The following FSTL4 variants were observed in gnomAD, a reference collection of about 807,000 sequenced individuals.
The protein encoded by FSTL4 is follistatin-related protein 4.
In FSTL4, 28 loss-of-function variants were observed where a neutral mutation model predicts 78.2. The observed-to-expected ratio is 0.36, with a 90% CI of 0.27 to 0.49. The LOEUF is 0.49. Ranked by LOEUF, FSTL4 falls within the 20% of genes least tolerant of loss-of-function variation. FSTL4 has a pLI of 0.98. For synonymous variants in FSTL4, 422 were observed against 440.5 expected (o/e 0.96, Z 0.53); for missense variants, 922 against 1,084.9 (o/e 0.85, Z 2.11).
the FSTL4 span, among the ~76,000 whole-genome samples, chr5:133,766,336 C>T: frequency 6.6e-6 from 1 of 152,142 alleles, no homozygotes; most frequent in African/African-American, 2.4e-5. Context: ...AAATACGTAA[C>T]AGAGACCATA....
chr5:133,840,715 A>G, the FSTL4 span, among the ~76,000 whole-genome samples: 2 of 152,252 alleles, frequency 1.3e-5, no homozygotes, highest in African/African-American at 4.8e-5. Context: ...AAGTCTACAC[A>G]GGATTTGAGA....
At chr5:133,648,434 T>C in the FSTL4 span, among the ~76,000 whole-genome samples, 1 of 152,150 alleles carries the variant, frequency 6.6e-6, no homozygotes, top group Non-Finnish European at 1.5e-5. Flanking sequence ...GCCCAACCTT[T>C]CCAGGGCTGG....
At chr5:133,478,288 T>C (rs1757961042) in intron 3 of FSTL4, among the ~76,000 whole-genome samples, 1 of 152,226 alleles carries the variant, frequency 6.6e-6, no homozygotes, top group African/African-American at 2.4e-5. Flanking sequence ...CTTCACGATT[T>C]ATGGTGTGGC....
chr5:133,293,089 C>T (rs997494291), intron 6 of FSTL4, among the ~76,000 whole-genome samples: 7 of 152,250 alleles, frequency 4.6e-5, no homozygotes, highest in Non-Finnish European at 7.3e-5. Flanking sequence ...AGCCACCTCC[C>T]GCCACTCCAT....
intron 11 of FSTL4, among the ~76,000 whole-genome samples, chr5:133,223,061 C>T (rs986893796): frequency 6.6e-6 from 1 of 152,218 alleles, no homozygotes; most frequent in Admixed American, 6.5e-5. Flanking sequence ...CTCTTGCATT[C>T]GTGGTAGGTC....
chr5:133,225,371 G>GCC lies in FSTL4; in HGVS notation c.1178-89_1178-88dup. On this transcript the variant is annotated intron_variant, in intron 9 of 15. Transcript: ENST00000265342. The surrounding 1 kb of genome is among the most constrained non-coding windows in gnomAD (Gnocchi z 4.6). ...TGGGGCCATTGAGAGTGTTAGGGCT[G>GCC]CCCAGCCCCTGGGCAGCCAGCAGCC... 1 of 1,526,444 alleles carries GCC rather than the reference G, an allele frequency of 6.6e-7. No individual in the cohort carries two copies. Among genetic ancestry groups the GCC allele is most frequent in the Non-Finnish European group, 9.0e-7 (1 of 1,111,090 alleles). The allele number at this position is 1,526,444 out of a possible 1,614,324, so 94.6% of individuals were successfully genotyped here.
intron 4 of FSTL4, among the ~76,000 whole-genome samples, chr5:133,390,883 G>T (rs1229618123): frequency 6.7e-6 from 1 of 149,528 alleles, no homozygotes; most frequent in Non-Finnish European, 1.5e-5. Flanking sequence ...AGGCAGAGAG[G>T]CTGAGTGATC....
intron 4 of FSTL4, among the ~76,000 whole-genome samples, chr5:133,393,925 C>G (rs920583659): frequency 6.6e-6 from 1 of 152,250 alleles, no homozygotes; most frequent in Middle Eastern, 3.2e-3. Context: ...GCCCATGGCT[C>G]CTGAGCCTTC....
chr5:133,598,748 C>T (rs1229443683), intron 2 of FSTL4, among the ~76,000 whole-genome samples: 2 of 152,108 alleles, frequency 1.3e-5, no homozygotes, highest in Non-Finnish European at 1.5e-5. Flanking sequence ...AGACCATTCT[C>T]GCCTCTTGCT....
the FSTL4 span, among the ~76,000 whole-genome samples, chr5:133,618,965 T>C: frequency 1.3e-5 from 2 of 152,360 alleles, no homozygotes; most frequent in South Asian, 2.1e-4. Flanking sequence ...TAAGAAATTA[T>C]GGTAGACATT....
chr5:133,315,550 A>G (rs918547456), intron 5 of FSTL4, among the ~76,000 whole-genome samples: 1 of 152,176 alleles, frequency 6.6e-6, no homozygotes, highest in African/African-American at 2.4e-5. Flanking sequence ...ATTGGCATCA[A>G]AGGTGGGAAC....
At chr5:133,697,297 A>T in the FSTL4 span, among the ~76,000 whole-genome samples, 2 of 151,520 alleles carry the variant, frequency 1.3e-5, no homozygotes, top group Non-Finnish European at 2.9e-5. Flanking sequence ...AACTCAGGCA[A>T]CCCCGGGTGA....
At chr5:133,745,203 G>A in the FSTL4 span, among the ~76,000 whole-genome samples, 7 of 152,370 alleles carry the variant, frequency 4.6e-5, no homozygotes, top group South Asian at 2.1e-4. Context: ...CTCAGCACAG[G>A]CAAAGCCCTT....
chr5:133,265,610 G>C (rs1421272021), intron 6 of FSTL4, among the ~76,000 whole-genome samples: 1 of 152,228 alleles, frequency 6.6e-6, no homozygotes, highest in Non-Finnish European at 1.5e-5. Flanking sequence ...GTTTGAAAAA[G>C]TATCCTTTGA....
chr5:133,316,716 C>T lies in FSTL4; in HGVS notation c.410-64G>A, dbSNP rs918764059. On this transcript the variant is annotated intron_variant, in intron 4 of 15. Transcript: ENST00000265342. ...CCGTGGTCTTGAGAGAACATTCTTG[C>T]CGCTGGTCCATTCATCTCACTCACA... is the stretch of plus-strand genomic sequence containing the variant. 1.5e-4 allele frequency: 211 copies of T among 1,364,992 alleles called. 1 individual carries two copies. In the African/African-American group the frequency reaches 2.8e-3, roughly 18 times the overall value. The allele number at this position is 1,364,992 out of a possible 1,614,324, so 84.6% of individuals were successfully genotyped here.
intron 3 of FSTL4, among the ~76,000 whole-genome samples, chr5:133,540,900 G>C (rs180823166): frequency 3.9e-5 from 6 of 151,924 alleles, no homozygotes; most frequent in Non-Finnish European, 8.8e-5. Context: ...CCACATCCAG[G>C]GTTCTTCCAT....
the FSTL4 span, among the ~76,000 whole-genome samples, chr5:133,677,910 C>T: frequency 1.3e-5 from 2 of 152,182 alleles, no homozygotes; most frequent in Non-Finnish European, 2.9e-5. Flanking sequence ...TCTCATGGAG[C>T]TCACATTTTT....
chr5:133,831,597 A>G, the FSTL4 span, among the ~76,000 whole-genome samples: 1 of 152,244 alleles, frequency 6.6e-6, no homozygotes, highest in South Asian at 2.1e-4. Context: ...TTATCTCTCT[A>G]TAAACTTATT....
chr5:133,475,987 T>C, intron 3 of FSTL4, among the ~76,000 whole-genome samples: 1 of 151,794 alleles, frequency 6.6e-6, no homozygotes. Flanking sequence ...TCTGAGAAGG[T>C]GGCAGGAGGG....
Sources: allele counts gnomAD v4.1 joint callset (sites outside exome capture counted in the v4.1 genomes callset), GRCh38; gene constraint gnomAD v4.1.1; non-coding constraint Gnocchi (gnomAD v3.1); transcripts MANE v1.5; gene names NCBI Gene and HGNC (gene_info 2026-07-23, HGNC 2026-07-21).